SGTB: variants seen among roughly 807,000 people sequenced by gnomAD.
SGTB encodes the protein small glutamine-rich tetratricopeptide repeat-containing protein beta.
SGTB carries 19 observed loss-of-function variants against 43.9 expected under a neutral mutation model. The ratio of observed to expected loss-of-function variants is 0.43; its 90% CI spans 0.30 to 0.63. SGTB has a LOEUF of 0.63. SGTB is among the 30% of genes least tolerant of loss of function. The pLI, the probability that SGTB is intolerant of heterozygous loss-of-function variation, is 0.12. For synonymous variants in SGTB, 116 were observed against 117.3 expected, an observed-to-expected ratio of 0.99 and a Z score of 0.07; for missense variants, 304 against 358.9, an observed-to-expected ratio of 0.85 and a Z score of 1.24.
At chr5:65,720,581 G>T in intron 2 of SGTB, 127 bp downstream of exon 2, 10 of 1,013,156 alleles carry the variant, frequency 9.9e-6, no homozygotes, top group Non-Finnish European at 1.3e-5. Flanking sequence ...TTATAGTCAG[G>T]CCTCTCCTCT....
intron 6 of SGTB, among the ~76,000 whole-genome samples, chr5:65,682,382 TG>T (rs1442322246): frequency 2.0e-5 from 3 of 152,210 alleles, no homozygotes; most frequent in Non-Finnish European, 4.4e-5. Flanking sequence ...TTTGTGCTTT[TG>T]AAAGCTCACT....
In SGTB at chr5:65,692,824, T is replaced by C. The variant is rs148194794; in HGVS notation, c.375-7352A>G. Among the ~76,000 whole-genome samples, 22 of 152,322 alleles carry C rather than the reference T, an allele frequency of 1.4e-4. 1 individual carries two copies. The East Asian group carries it at 1.5e-3, about 11-fold the overall frequency. ...AACATATCCCTATTCTTGGGAGATATAGCTGAAGTATTTGGGATCAGCAAG... is the reference window on the plus strand; with the variant it reads ...AACATATCCCTATTCTTGGGAGATACAGCTGAAGTATTTGGGATCAGCAAG... On this transcript the variant is annotated intron_variant, in intron 5 of 10. Coordinates refer to ENST00000381007, the MANE Select transcript of SGTB (RefSeq NM_019072.3).
chr5:65,707,723 G>A (rs923602401), intron 4 of SGTB, among the ~76,000 whole-genome samples: 5 of 152,008 alleles, frequency 3.3e-5, no homozygotes, highest in South Asian at 2.1e-4. Flanking sequence ...GTAGACCACC[G>A]TGCCCGGCCA....
At chr5:65,678,114 G>C (rs79290297) in intron 8 of SGTB, among the ~76,000 whole-genome samples, 2 of 152,130 alleles carry the variant, frequency 1.3e-5, no homozygotes, top group Non-Finnish European at 2.9e-5. Context: ...TCTCAGTCGA[G>C]AAGTTTATTA....
intron 5 of SGTB, among the ~76,000 whole-genome samples, chr5:65,696,571 C>G (rs745592951): frequency 6.6e-6 from 1 of 152,124 alleles, no homozygotes; most frequent in Non-Finnish European, 1.5e-5. Context: ...CTACAAGGCA[C>G]AGTATAAGGT....
chr5:65,679,972 G>A (rs1382772640), intron 8 of SGTB, among the ~76,000 whole-genome samples: 2 of 152,208 alleles, frequency 1.3e-5, no homozygotes, highest in East Asian at 1.9e-4. Flanking sequence ...ACCATGGAAT[G>A]CTATGCAGCC....
intron 8 of SGTB, among the ~76,000 whole-genome samples, chr5:65,679,580 G>C (rs1358943382): frequency 6.6e-6 from 1 of 152,146 alleles, no homozygotes; most frequent in East Asian, 1.9e-4. Context: ...TCACACCATT[G>C]CACTCCAGAC....
intron 5 of SGTB, among the ~76,000 whole-genome samples, chr5:65,700,178 C>G (rs896346633): frequency 6.6e-6 from 1 of 152,258 alleles, no homozygotes; most frequent in African/African-American, 2.4e-5. Flanking sequence ...TCTAGTTAGA[C>G]TAATGCCAGG....
At chr5:65,714,026 T>C (rs1448173076) in intron 2 of SGTB, among the ~76,000 whole-genome samples, 2 of 152,030 alleles carry the variant, frequency 1.3e-5, no homozygotes, top group African/African-American at 2.4e-5. Context: ...TGCACTCCAG[T>C]ACGGGTTGAG....
chr5:65,712,587 A>C (rs1275122624), intron 3 of SGTB, among the ~76,000 whole-genome samples: 3 of 152,222 alleles, frequency 2.0e-5, no homozygotes, highest in East Asian at 1.9e-4. Context: ...CTAGACATTA[A>C]AACTTTTTAA....
At chr5:65,677,811 T>C (rs1380374981) in intron 8 of SGTB, among the ~76,000 whole-genome samples, 2 of 152,180 alleles carry the variant, frequency 1.3e-5, no homozygotes, top group Non-Finnish European at 1.5e-5. Context: ...TAAGAAACTC[T>C]TAATAAACTA....
At chr5:65,681,867 A>G (rs1237719010) in intron 6 of SGTB, among the ~76,000 whole-genome samples, 3 of 151,932 alleles carry the variant, frequency 2.0e-5, no homozygotes, top group Non-Finnish European at 2.9e-5. Flanking sequence ...CCCAGCTACT[A>G]GGAAGGCTGA....
chr5:65,700,540 G>C (rs952713833), intron 5 of SGTB, among the ~76,000 whole-genome samples: 62 of 151,692 alleles, frequency 4.1e-4, no homozygotes, highest in Non-Finnish European at 7.4e-4. Context: ...AATTAGCCAC[G>C]CGTGGTGGTG....
chr5:65,683,763 A>G (rs1757445462), intron 6 of SGTB, among the ~76,000 whole-genome samples: 1 of 151,896 alleles, frequency 6.6e-6, no homozygotes, highest in Admixed American at 6.6e-5. Flanking sequence ...TGGCTAACGC[A>G]GTGAAACCCC....
chr5:65,698,931 T>C (rs995229172), intron 5 of SGTB, among the ~76,000 whole-genome samples: 2 of 152,142 alleles, frequency 1.3e-5, no homozygotes, highest in Admixed American at 1.3e-4. Context: ...ACACTGCTAG[T>C]GGAAATGTAA....
At chr5:65,671,383 C>T (rs909074973) in intron 10 of SGTB, among the ~76,000 whole-genome samples, 1 of 152,082 alleles carries the variant, frequency 6.6e-6, no homozygotes, top group African/African-American at 2.4e-5. Flanking sequence ...CACTTAAAAA[C>T]CAAGGACCCT....
intron 6 of SGTB, among the ~76,000 whole-genome samples, chr5:65,684,033 T>G (rs990133818): frequency 6.6e-6 from 1 of 150,586 alleles, no homozygotes; most frequent in Non-Finnish European, 1.5e-5. Flanking sequence ...AACTGAGAAG[T>G]GGGATGGTGG....
chr5:65,699,205 CA>C (rs1328081537), intron 5 of SGTB, among the ~76,000 whole-genome samples: 1 of 152,032 alleles, frequency 6.6e-6, no homozygotes, highest in African/African-American at 2.4e-5. Context: ...TACTCAGCCA[CA>C]AAAAAGAACA....
chr5:65,674,939 C>G (rs577700363), intron 8 of SGTB, among the ~76,000 whole-genome samples: 3 of 152,294 alleles, frequency 2.0e-5, no homozygotes, highest in South Asian at 4.1e-4. Context: ...ACTTATCTCA[C>G]TGGGAATGAG....
Sources: allele counts gnomAD v4.1 joint callset (sites outside exome capture counted in the v4.1 genomes callset), GRCh38; gene constraint gnomAD v4.1.1; transcripts MANE v1.5; gene names NCBI Gene and HGNC (gene_info 2026-07-23, HGNC 2026-07-21).